Variants in LIPA observed in about 807,000 individuals in gnomAD.
LIPA encodes lipase A, lysosomal acid type.
LIPA carries 26 observed loss-of-function variants against 40.6 expected under a neutral mutation model. The ratio of observed to expected loss-of-function variants is 0.64; its 90% CI spans 0.47 to 0.89. The LOEUF is 0.89. Ranked by LOEUF, LIPA falls within the 40% of genes least tolerant of loss-of-function variation. The pLI, the probability that LIPA is intolerant of heterozygous loss-of-function variation, is 0.00. For synonymous variants in LIPA, 188 were observed against 168.4 expected (o/e 1.12, Z -0.90); for missense variants, 455 against 479.6 (o/e 0.95, Z 0.48).
intron 1 of LIPA, among the ~76,000 whole-genome samples, chr10:89,261,331 T>C (rs112239629): frequency 1.3e-5 from 2 of 152,180 alleles, no homozygotes; most frequent in South Asian, 2.1e-4. Context: ...ATGGCAAAAC[T>C]CCATGTCTAC....
chr10:89,223,821 CA>C lies in LIPA; in HGVS notation c.684del (p.Phe228LeufsTer13), dbSNP rs770074196. Reference protein sequence around the residue: ...RLPDHLIKDLFGDKEFLPQSA... With the variant: ...RLPDHLIKDLXGDKEFLPQSA... ...CTCTGGGGAAGAAATTCTTTGTCTC[CA>C]AATAAGTCCTACAAAATAAAAAGAA... On this transcript the variant is annotated frameshift_variant, in exon 7 of 10. Coordinates refer to ENST00000336233, the MANE Select transcript of LIPA (RefSeq NM_000235.4). LOFTEE classifies it high-confidence loss of function. The C allele has an allele frequency of 4.4e-5, 71 of 1,613,876 alleles. No homozygotes were observed. The highest frequency in any genetic ancestry group is 5.9e-5 in the Non-Finnish European group (70 of 1,179,966).
At chr10:89,291,690 G>A (rs1052686657) in intron 1 of LIPA, among the ~76,000 whole-genome samples, 10 of 152,160 alleles carry the variant, frequency 6.6e-5, no homozygotes, top group Non-Finnish European at 1.2e-4. Flanking sequence ...CCTGGGAAAG[G>A]TCCCATTATG....
In LIPA at chr10:89,410,982, G is replaced by C. The variant is rs191878268; in HGVS notation, c.61+1809C>G. Among the ~76,000 whole-genome samples, 51 of 152,184 alleles carry C rather than the reference G, an allele frequency of 3.4e-4. No individual in the cohort carries two copies. The East Asian group carries it at 9.6e-3, about 29-fold the overall frequency. On this transcript the variant is annotated intron_variant, in intron 2 of 8. Transcript: ENST00000371837. The stretch of plus-strand genomic sequence containing the variant: ...CAAAGAGAGAGATAGAAGTAGTAAA[G>C]AAAAAACAGTGTACCCTATTCCTTT...
rs1445116598 is a variant in LIPA at position 89,413,297 on chromosome 10, A to C, written c.-71-375T>G. On this transcript the variant is annotated intron_variant, in intron 1 of 8. Coordinates refer to the LIPA transcript ENST00000371837. ...ATTAAAAATCAGGTTCTTAATAGCC[A>C]CAGGTGACCAGCAGTTTCTGTATAA... is the stretch of plus-strand genomic sequence containing the variant. 3.3e-5 allele frequency among the ~76,000 whole-genome samples: 5 copies of C among 152,244 alleles called. 1 individual carries two copies. Among genetic ancestry groups the C allele is most frequent in the Non-Finnish European group, 7.3e-5 (5 of 68,042 alleles).
chr10:89,242,024 A>T (rs1373706374), intron 3 of LIPA, among the ~76,000 whole-genome samples: 1 of 152,168 alleles, frequency 6.6e-6, no homozygotes, highest in African/African-American at 2.4e-5. Context: ...TGCCAAAACC[A>T]AGAATTCTAC....
intron 1 of LIPA, chr10:89,327,967 T>A: frequency 1.7e-6 from 2 of 1,204,570 alleles, no homozygotes; most frequent in Non-Finnish European, 2.5e-6. Flanking sequence ...CTCCCACCCC[T>A]TTATATAGTT....
intron 2 of LIPA, among the ~76,000 whole-genome samples, chr10:89,380,713 A>C (rs1009316978): frequency 6.6e-6 from 1 of 152,190 alleles, no homozygotes; most frequent in Admixed American, 6.5e-5. Flanking sequence ...GATTACAGGC[A>C]TTAGCCACCA....
At chr10:89,223,893 G>T in intron 6 of LIPA, 63 bp from the exon 7 acceptor site, 1 of 1,551,346 alleles carries the variant, frequency 6.4e-7, no homozygotes. Flanking sequence ...AAGTCTCCGT[G>T]ACTCACCTCA....
At chr10:89,241,636 A>G (rs1362552090) in intron 3 of LIPA, among the ~76,000 whole-genome samples, 1 of 152,200 alleles carries the variant, frequency 6.6e-6, no homozygotes, top group African/African-American at 2.4e-5. Context: ...TGACTCTAAT[A>G]GCTCAATGGA....
At chr10:89,410,601 C>T (rs1841461118) in intron 2 of LIPA, among the ~76,000 whole-genome samples, 1 of 152,226 alleles carries the variant, frequency 6.6e-6, no homozygotes, top group Non-Finnish European at 1.5e-5. Flanking sequence ...ACTAGTGGCA[C>T]TTACCCGAGC....
chr10:89,310,061 A>G (rs1843507326), intron 1 of LIPA, among the ~76,000 whole-genome samples: 1 of 152,296 alleles, frequency 6.6e-6, no homozygotes, highest in South Asian at 2.1e-4. Context: ...AATACATTTC[A>G]CATTCTCTGT....
chr10:89,339,425 T>A (rs753617134), intron 1 of LIPA: 3 of 1,614,070 alleles, frequency 1.9e-6, no homozygotes. Context: ...AAAGGTGACC[T>A]AGACAAAGCT....
chr10:89,250,107 C>CTTTTTTTTTTTTTTTTTTTTT (rs398038546), intron 1 of LIPA, among the ~76,000 whole-genome samples: 33 of 96,060 alleles, frequency 3.4e-4, no homozygotes, highest in Non-Finnish European at 4.9e-4. Flanking sequence ...TCTTTTCTTT[C>CTTTTTTTTTTTTTTTTTTTTT]TTTTTTTTTT....
intron 3 of LIPA, among the ~76,000 whole-genome samples, chr10:89,229,752 C>CAGA (rs1842817597): frequency 8.6e-6 from 1 of 115,838 alleles, no homozygotes; most frequent in African/African-American, 3.2e-5. Context: ...GACTCAGTCT[C>CAGA]AAAAAAAAAA....
At chr10:89,242,727 G>A (rs2133458748) in intron 3 of LIPA, among the ~76,000 whole-genome samples, 1 of 152,284 alleles carries the variant, frequency 6.6e-6, no homozygotes, top group Middle Eastern at 3.4e-3. Context: ...TAGTATGAAT[G>A]TATAGCAGTA....
intron 2 of LIPA, chr10:89,384,276 G>A (rs1472244740): frequency 6.2e-7 from 1 of 1,614,048 alleles, no homozygotes; most frequent in African/African-American, 1.3e-5. Flanking sequence ...TGGACAGATT[G>A]GTTCAATTGG....
chr10:89,295,331 G>T (rs903825341), intron 1 of LIPA, among the ~76,000 whole-genome samples: 1 of 152,010 alleles, frequency 6.6e-6, no homozygotes, highest in Non-Finnish European at 1.5e-5. Flanking sequence ...CAAAACTTCA[G>T]TTAAAAATAG....
At chr10:89,332,606 G>C in intron 1 of LIPA, 1 of 1,614,098 alleles carries the variant, frequency 6.2e-7, no homozygotes, top group Non-Finnish European at 8.5e-7. Flanking sequence ...TTTCAGAACT[G>C]CAGGGAAACA....
At chr10:89,258,478 G>A (rs1843191838) in intron 1 of LIPA, among the ~76,000 whole-genome samples, 2 of 152,052 alleles carry the variant, frequency 1.3e-5, no homozygotes. Flanking sequence ...AAAAAAAGAC[G>A]TTTTATAACC....
Sources: allele counts gnomAD v4.1 joint callset (sites outside exome capture counted in the v4.1 genomes callset), GRCh38; gene constraint gnomAD v4.1.1; transcripts MANE v1.5; gene names NCBI Gene and HGNC (gene_info 2026-07-23, HGNC 2026-07-21).